Variants in MAD1L1 observed in about 807,000 individuals in gnomAD.
MAD1L1 encodes the protein mitotic arrest deficient 1 like 1, also known as mitotic spindle assembly checkpoint protein MAD1.
A neutral mutation model predicts 96.9 loss-of-function variants in MAD1L1; 95 were observed. That is an observed-to-expected ratio of 0.98 (90% CI 0.83 to 1.16). The LOEUF (loss-of-function observed/expected upper bound fraction) is 1.16. MAD1L1 is among the 50% of genes most tolerant of loss of function. The pLI is 0.00. For missense variants in MAD1L1, 1,007 were observed against 954.4 expected (o/e 1.06, Z -0.73); for synonymous variants, 473 against 396.6 (o/e 1.19, Z -2.29).
At chr7:2,231,166 T>C (rs1794172183) in intron 1 of MAD1L1, among the ~76,000 whole-genome samples, 1 of 151,884 alleles carries the variant, frequency 6.6e-6, no homozygotes, top group Admixed American at 6.6e-5. Flanking sequence ...GGTGTGGTGG[T>C]GTGCGCCTGT....
At chr7:2,230,187 C>A in intron 2 of MAD1L1, 44 bp from the exon 3 acceptor site, 1 of 1,523,886 alleles carries the variant, frequency 6.6e-7, no homozygotes, top group Non-Finnish European at 8.9e-7. Context: ...AGCCTTTCCA[C>A]GTGCCATCAG....
chr7:2,040,284 C>T (rs990763224), intron 12 of MAD1L1, among the ~76,000 whole-genome samples: 1 of 152,206 alleles, frequency 6.6e-6, no homozygotes, highest in African/African-American at 2.4e-5. Flanking sequence ...CTGCCTGCTG[C>T]CTCTGCGGCT....
chr7:1,918,828 C>T (rs1788585583), intron 17 of MAD1L1, among the ~76,000 whole-genome samples: 1 of 152,240 alleles, frequency 6.6e-6, no homozygotes, highest in African/African-American at 2.4e-5. Context: ...CAGCTCCCGG[C>T]CCCAGGGCGA....
chr7:2,195,584 CTGTT>C (rs1470298295), intron 10 of MAD1L1, among the ~76,000 whole-genome samples: 2 of 152,212 alleles, frequency 1.3e-5, no homozygotes, highest in Non-Finnish European at 2.9e-5. Flanking sequence ...TGTGGGAGGA[CTGTT>C]TGATTCCATG....
At chr7:2,123,385 T>C (rs1188822715) in intron 11 of MAD1L1, among the ~76,000 whole-genome samples, 1 of 151,636 alleles carries the variant, frequency 6.6e-6, no homozygotes, top group Non-Finnish European at 1.5e-5. Flanking sequence ...TTGGAGACAT[T>C]GCGGGAGGGC....
At chr7:1,945,025 C>T (rs973027957) in intron 16 of MAD1L1, among the ~76,000 whole-genome samples, 4 of 152,178 alleles carry the variant, frequency 2.6e-5, no homozygotes, top group African/African-American at 7.2e-5. Context: ...TCACCTGGGC[C>T]GTCGGCCACT....
intron 7 of MAD1L1, among the ~76,000 whole-genome samples, chr7:2,217,102 A>C (rs1584574963): frequency 6.6e-6 from 1 of 151,706 alleles, no homozygotes; most frequent in African/African-American, 2.4e-5. Flanking sequence ...AAAACATCCC[A>C]CCCCTCCCGT....
At position 1,898,300 on chromosome 7, in the gene MAD1L1, C is replaced by G. The variant is rs768791748; in HGVS notation, c.1898G>C (p.Cys633Ser). 1.2e-6 allele frequency: 2 copies of G among 1,613,926 alleles called. No individual in the cohort carries two copies. Among genetic ancestry groups the G allele is most frequent in the Non-Finnish European group, 1.7e-6 (2 of 1,179,978 alleles). Residue 633 changes from cysteine to serine, a missense_variant, in exon 18 of 19, where the codon TGC (cysteine) becomes TCC (serine). Transcript: ENST00000265854. ...QTKIQEFRKACYTLTGYQIDI... is the reference protein window; with the variant it reads ...QTKIQEFRKASYTLTGYQIDI... ...GATCTGGTAGCCGGTGAGCGTGTAG[C>G]AGGCCTTGCGGAACTCCTGGATCTT...
chr7:2,041,597 A>C (rs1246886887), intron 12 of MAD1L1, among the ~76,000 whole-genome samples: 1 of 152,244 alleles, frequency 6.6e-6, no homozygotes, highest in Non-Finnish European at 1.5e-5. Context: ...GTCAGCAGCG[A>C]CTGAATAAAA....
At chr7:1,865,955 C>T (rs890917210) in intron 18 of MAD1L1, among the ~76,000 whole-genome samples, 3 of 152,380 alleles carry the variant, frequency 2.0e-5, no homozygotes, top group Middle Eastern at 3.4e-3. Context: ...ACCATCGGCC[C>T]GCAATGGGCC....
At chr7:2,084,194 T>C (rs911132145) in intron 11 of MAD1L1, among the ~76,000 whole-genome samples, 1 of 152,104 alleles carries the variant, frequency 6.6e-6, no homozygotes, top group African/African-American at 2.4e-5. Flanking sequence ...GGAAACACAA[T>C]GGAAGTTTCT....
At position 2,103,681 on chromosome 7, in the gene MAD1L1, C is replaced by T. The variant is rs1054981312; in HGVS notation, c.1074-34343G>A. 6.6e-6 allele frequency among the ~76,000 whole-genome samples: 1 copy of T among 152,156 alleles called. No individual in the cohort carries two copies. The highest frequency in any genetic ancestry group is 1.5e-5 in the Non-Finnish European group (1 of 68,024). On this transcript the variant is annotated intron_variant, in intron 11 of 18. Coordinates refer to ENST00000265854, the MANE Select transcript of MAD1L1 (RefSeq NM_001013836.2). The surrounding 1 kb of genome is among the most constrained non-coding windows in gnomAD (Gnocchi z 4.3). ...ACAGGGGAGAAGGAGGGAGCGGCCA[C>T]GAGGAGGAGCCAGGGAGGCGGCTAC...
chr7:2,106,170 A>T (rs1261300429), intron 11 of MAD1L1, among the ~76,000 whole-genome samples: 1 of 150,318 alleles, frequency 6.7e-6, no homozygotes, highest in African/African-American at 2.5e-5. Context: ...TTGCCCCATT[A>T]CGCCTAGGCT....
intron 10 of MAD1L1, among the ~76,000 whole-genome samples, chr7:2,193,976 C>T (rs1405911369): frequency 1.7e-4 from 16 of 96,682 alleles, no homozygotes; most frequent in Non-Finnish European, 1.9e-5. Flanking sequence ...CGGGTTCTTG[C>T]TCTATCACCT....
intron 18 of MAD1L1, among the ~76,000 whole-genome samples, chr7:1,821,634 T>G (rs896255414): frequency 1.3e-5 from 2 of 152,128 alleles, no homozygotes; most frequent in African/African-American, 4.8e-5. Context: ...TAGTTCAAAT[T>G]TGAAAATCAA....
chr7:1,884,818 C>G (rs1446683529), intron 18 of MAD1L1, among the ~76,000 whole-genome samples: 1 of 152,256 alleles, frequency 6.6e-6, no homozygotes, highest in Non-Finnish European at 1.5e-5. Context: ...TGAGCCACAG[C>G]AGGGAGGCCA....
intron 18 of MAD1L1, among the ~76,000 whole-genome samples, chr7:1,821,414 TAAC>T (rs781084420): frequency 7.2e-5 from 11 of 152,162 alleles, no homozygotes; most frequent in Non-Finnish European, 1.6e-4. Context: ...CTTTTTCAGT[TAAC>T]AAAAGACAGA....
At chr7:2,083,756 T>A (rs1457999618) in intron 11 of MAD1L1, among the ~76,000 whole-genome samples, 1 of 152,236 alleles carries the variant, frequency 6.6e-6, no homozygotes, top group Admixed American at 6.5e-5. Flanking sequence ...CTCCTCCCAG[T>A]TCTTCAGGGA....
chr7:2,152,286 A>G (rs1466522431), intron 10 of MAD1L1, among the ~76,000 whole-genome samples: 1 of 152,210 alleles, frequency 6.6e-6, no homozygotes, highest in Non-Finnish European at 1.5e-5. Context: ...GGGAGGACTG[A>G]AGCTGCAGGG....
Sources: allele counts gnomAD v4.1 joint callset (sites outside exome capture counted in the v4.1 genomes callset), GRCh38; gene constraint gnomAD v4.1.1; non-coding constraint Gnocchi (gnomAD v3.1); transcripts MANE v1.5; gene names NCBI Gene and HGNC (gene_info 2026-07-23, HGNC 2026-07-21).